Variants in CNNM1 observed in about 807,000 individuals in gnomAD.
The protein encoded by CNNM1 is metal transporter CNNM1.
A neutral mutation model predicts 78.8 loss-of-function variants in CNNM1; 44 were observed. That is an observed-to-expected ratio of 0.56 (90% CI 0.44 to 0.72). The LOEUF is 0.72. Among genes scored for constraint, CNNM1 ranks in the 30% least tolerant of loss-of-function variants. The pLI is 0.00. For missense variants in CNNM1, 1,101 were observed against 1,292.2 expected (o/e 0.85, Z 2.27); for synonymous variants, 584 against 581.5 (o/e 1.00, Z -0.06).
At chr10:99,336,568 A>G (rs2134014867) in intron 1 of CNNM1, among the ~76,000 whole-genome samples, 1 of 152,352 alleles carries the variant, frequency 6.6e-6, no homozygotes, top group Admixed American at 6.5e-5. Context: ...TTCAACAAAT[A>G]GTTGTGTTGG....
In CNNM1 at chr10:99,330,284, C is replaced by T. The variant is rs1203137833; in HGVS notation, c.897C>T (p.Gly299=). The T allele has an allele frequency of 1.3e-6, 2 of 1,574,922 alleles. No homozygotes were observed. The highest frequency in any genetic ancestry group is 1.8e-5 in the Admixed American group (1 of 55,414). ...GQAGANAALA[G]WLYTSLPPGF... ...CCGGAGCCAACGCGGCCCTGGCTGG[C>T]TGGCTGTACACCTCGCTGCCGCCGG... is the stretch of plus-strand genomic sequence containing the variant. Residue 299 remains glycine, a synonymous_variant, in exon 1 of 11, where the codon GGC becomes GGT. Coordinates refer to ENST00000356713, the MANE Select transcript of CNNM1 (RefSeq NM_020348.3).
chr10:99,380,343 A>G (rs1331908886), intron 7 of CNNM1, among the ~76,000 whole-genome samples: 1 of 152,180 alleles, frequency 6.6e-6, no homozygotes, highest in East Asian at 1.9e-4. Flanking sequence ...TTGGAGTAGA[A>G]AAGTGAAGGA....
chr10:99,366,964 C>G (rs1261149231), intron 6 of CNNM1, among the ~76,000 whole-genome samples: 3 of 152,172 alleles, frequency 2.0e-5, no homozygotes, highest in Non-Finnish European at 4.4e-5. Context: ...CTTTCTCTTT[C>G]TCTCCCCATG....
chr10:99,358,483 C>T (rs904082483), intron 2 of CNNM1, among the ~76,000 whole-genome samples: 3 of 152,180 alleles, frequency 2.0e-5, no homozygotes, highest in African/African-American at 7.2e-5. Flanking sequence ...GCAGATAACT[C>T]GTTTCAGACT....
rs1210089908 is a variant in CNNM1 at position 99,329,993 on chromosome 10, C to T, written c.606C>T (p.Gly202=). 7 of 1,397,002 alleles carry T rather than the reference C, an allele frequency of 5.0e-6. No individual in the cohort carries two copies. The highest frequency in any genetic ancestry group is 6.4e-6 in the Non-Finnish European group (7 of 1,087,414). 86.5% of individuals were successfully genotyped at this position (1,397,002 alleles called of 1,614,324 possible). Residue 202 remains glycine (G), a synonymous_variant, in exon 1 of 11, where the codon GGC becomes GGT. Coordinates refer to ENST00000356713, the MANE Select transcript of CNNM1 (RefSeq NM_020348.3). ...RAWHHHGAAG[G]FLLRVRPRLY... ...GGCACCACCACGGCGCCGCCGGCGG[C>T]TTCCTGCTGCGCGTTCGCCCGCGGT...
At chr10:99,380,790 C>CA (rs11368296) in intron 7 of CNNM1, among the ~76,000 whole-genome samples, 12 of 142,636 alleles carry the variant, frequency 8.4e-5, no homozygotes, top group East Asian at 4.1e-4. Flanking sequence ...GACTCGGCCT[C>CA]AAAAAAAAAA....
chr10:99,390,174 G>A, intron 9 of CNNM1, 132 bp from the exon 10 acceptor site: 2 of 643,628 alleles, frequency 3.1e-6, no homozygotes, highest in Non-Finnish European at 5.5e-6. Flanking sequence ...TCCCTGCCTT[G>A]TTACACCACC....
chr10:99,381,430 A>G (rs1165102545), intron 7 of CNNM1, among the ~76,000 whole-genome samples: 12 of 150,628 alleles, frequency 8.0e-5, no homozygotes, highest in Admixed American at 2.6e-4. Flanking sequence ...AAAAAAGGAA[A>G]AAAAAGAGTG....
At chr10:99,356,627 A>AAAGAAAGAAAGAAAAGAAAAG (rs1554940134) in intron 1 of CNNM1, among the ~76,000 whole-genome samples, 1 of 137,016 alleles carries the variant, frequency 7.3e-6, no homozygotes, top group Non-Finnish European at 1.6e-5. Flanking sequence ...GAAAGAAAAG[A>AAAGAAAGAAAGAAAAGAAAAG]AAAGAAAGAA....
intron 1 of CNNM1, among the ~76,000 whole-genome samples, chr10:99,332,052 C>G (rs1052409629): frequency 1.3e-5 from 2 of 152,098 alleles, no homozygotes; most frequent in Non-Finnish European, 2.9e-5. Flanking sequence ...TTAGAGTCAC[C>G]CCTCTTGGCA....
chr10:99,336,654 G>A (rs4919298), intron 1 of CNNM1, among the ~76,000 whole-genome samples: 58,868 of 152,042 alleles, frequency 0.39, 15,570 homozygotes, highest in African/African-American at 0.76. Flanking sequence ...GAAATTAAAC[G>A]AACAGGATAG....
intron 6 of CNNM1, among the ~76,000 whole-genome samples, chr10:99,371,739 C>T (rs369404007): frequency 6.6e-5 from 10 of 152,204 alleles, no homozygotes; most frequent in Admixed American, 3.3e-4. Context: ...GAGTTCACAT[C>T]GTAGTTTTGA....
chr10:99,334,405 C>T (rs112402016), intron 1 of CNNM1, among the ~76,000 whole-genome samples: 99 of 152,290 alleles, frequency 6.5e-4, no homozygotes, highest in Admixed American at 1.2e-3. Context: ...GTAATCCCAG[C>T]ATTTTGGGAG....
At chr10:99,369,317 G>A (rs1321084906) in intron 6 of CNNM1, among the ~76,000 whole-genome samples, 1 of 152,218 alleles carries the variant, frequency 6.6e-6, no homozygotes, top group Non-Finnish European at 1.5e-5. Context: ...ATCTCCAGTG[G>A]TTGTTCTCTT....
rs2032094174 is a variant in CNNM1 at position 99,380,078 on chromosome 10, A to G, written c.2340+2860A>G. ...TCACTGGGTTGACTAGGCTGGTCTT[A>G]AACTCCTGGCCTCAAGTGATCCTCT... On this transcript the variant is annotated intron_variant, in intron 7 of 10. Transcript: ENST00000356713. Among the ~76,000 whole-genome samples, 2 of 144,380 alleles carry G rather than the reference A, an allele frequency of 1.4e-5. 1 individual carries two copies. The highest frequency in any genetic ancestry group is 3.0e-5 in the Non-Finnish European group (2 of 66,452). 94.7% of individuals were successfully genotyped at this position (144,380 alleles called of 152,430 possible).
rs1190161872 is a variant in CNNM1, at chr10:99,364,991, C to G, written c.2165C>G (p.Ser722Cys). ...DVRKVGSLAG[S>C]SVFLNRSPSR... ...CGGAAGGTTGGAAGTCTGGCTGGAT[C>G]TTCTGTCTTTCGTATGTATCTCTCA... Residue 722 changes from serine to cysteine, a missense_variant, in exon 6 of 11, where the codon TCT becomes TGT. Ser to Cys is a moderately radical substitution (Grantham distance 112, BLOSUM62 -1). Around this residue, in one of 3 missense-constraint regions of CNNM1, gnomAD observed 348 missense variants for 384.5 expected, o/e 0.90. Coordinates refer to ENST00000356713, the MANE Select transcript of CNNM1 (RefSeq NM_020348.3). 6.2e-7 allele frequency: 1 copy of G among 1,613,912 alleles called. No homozygotes were observed. Among genetic ancestry groups the G allele is most frequent in the South Asian group, 1.1e-5 (1 of 91,072 alleles).
At chr10:99,346,591 T>G (rs1386974214) in intron 1 of CNNM1, among the ~76,000 whole-genome samples, 1 of 152,184 alleles carries the variant, frequency 6.6e-6, no homozygotes. Flanking sequence ...CAACATGAAC[T>G]CCAGACTTAC....
chr10:99,330,714 C>A lies in CNNM1; in HGVS notation c.1327C>A (p.Arg443Ser). The A allele has an allele frequency of 1.2e-6, 2 of 1,614,030 alleles. No individual in the cohort carries two copies. The change falls in exon 1 of 11, where the codon CGC becomes AGC. Residue 443 changes from arginine (R) to serine (S), a missense_variant. Physicochemically the swap from Arg to Ser is moderately radical, Grantham distance 110. This residue lies in a region of CNNM1 where 277 missense variants were observed against 423.2 expected (regional missense o/e 0.65). Coordinates refer to ENST00000356713, the MANE Select transcript of CNNM1 (RefSeq NM_020348.3). ...CCCCCTGGGAGACTGCTTCATGCTG[C>A]GCTCAGACGCGGTGCTCGACTTCGC... ...LTPLGDCFML[R>S]SDAVLDFATV... is the part of the protein sequence containing the mutation.
chr10:99,394,078 C>T lies in CNNM1; in HGVS notation c.*2562C>T, dbSNP rs577750777. On this transcript the variant is annotated 3_prime_UTR_variant, in exon 11 of 11. Coordinates refer to ENST00000356713, the MANE Select transcript of CNNM1 (RefSeq NM_020348.3). ...TTCTTGCCCAGCTGACCACTGGCCC[C>T]GGGGTGCCTGCCTGGCTGGTCTTCA... The T allele has an allele frequency of 2.0e-5, 3 of 152,586 alleles. No homozygotes were observed. The highest frequency in any genetic ancestry group is 2.1e-4 in the South Asian group (1 of 4,820). 9.5% of individuals were successfully genotyped at this position (152,586 alleles called of 1,614,324 possible).
Sources: allele counts gnomAD v4.1 joint callset (sites outside exome capture counted in the v4.1 genomes callset), GRCh38; gene constraint gnomAD v4.1.1; regional missense constraint gnomAD v4.1.1; transcripts MANE v1.5; gene names NCBI Gene and HGNC (gene_info 2026-07-23, HGNC 2026-07-21).